Variants in ABCA4 observed in about 807,000 individuals in gnomAD.
The protein encoded by ABCA4 is ATP binding cassette subfamily A member 4, also known as retinal-specific phospholipid-transporting ATPase ABCA4.
A neutral mutation model predicts 263.7 loss-of-function variants in ABCA4; 196 were observed. The ratio of observed to expected loss-of-function variants is 0.74; its 90% CI spans 0.66 to 0.84. The LOEUF (loss-of-function observed/expected upper bound fraction) is 0.84, where lower values mean the gene tolerates loss of function less well. ABCA4 is among the 40% of genes least tolerant of loss of function. The pLI is 0.00. For missense variants in ABCA4, 2,792 were observed against 2,855.1 expected, an observed-to-expected ratio of 0.98 and a Z score of 0.50; for synonymous variants, 1,133 against 1,094.2, an observed-to-expected ratio of 1.04 and a Z score of -0.70.
chr1:94,081,257 A>G (rs1298466476), intron 7 of ABCA4, among the ~76,000 whole-genome samples: 2 of 152,084 alleles, frequency 1.3e-5, no homozygotes, highest in African/African-American at 4.8e-5. Flanking sequence ...CAAATCACAG[A>G]GTGACCCCTA....
intron 16 of ABCA4, among the ~76,000 whole-genome samples, chr1:94,053,677 G>C (rs1208878913): frequency 2.0e-5 from 3 of 152,264 alleles, no homozygotes; most frequent in African/African-American, 7.2e-5. Flanking sequence ...AGCACCTACA[G>C]GTTTCAGAGG....
chr1:94,095,806 A>G (rs891677726), intron 6 of ABCA4, among the ~76,000 whole-genome samples: 2 of 148,104 alleles, frequency 1.4e-5, no homozygotes, highest in African/African-American at 5.0e-5. Context: ...GTCAAATGGA[A>G]AAGTACATTT....
intron 29 of ABCA4, 62 bp downstream of exon 29, chr1:94,030,366 C>T: frequency 6.7e-7 from 1 of 1,488,282 alleles, no homozygotes; most frequent in Non-Finnish European, 9.4e-7. Flanking sequence ...CCATCTTGAA[C>T]CCACCGTTGG....
rs762388890 is a variant in ABCA4, at chr1:94,042,896, C to T, written c.3193G>A (p.Gly1065Ser). ...RNEEAQDLSG[G>S]MQRKLSVAIA... ...GCAACCGACAGCTTTCTCTGCATGCCACCTGGAGGCACAAGAAGGACGGGA... is the reference window on the plus strand; with the variant it reads ...GCAACCGACAGCTTTCTCTGCATGCTACCTGGAGGCACAAGAAGGACGGGA... Residue 1065 changes from glycine to serine, a missense_variant and splice_region_variant, in exon 22 of 50, where the codon GGC becomes AGC. Physicochemically the swap from Gly to Ser is moderately conservative, Grantham distance 56. Coordinates refer to ENST00000370225, the MANE Select transcript of ABCA4 (RefSeq NM_000350.3). 1.9e-6 allele frequency: 3 copies of T among 1,614,190 alleles called. No homozygotes were observed. The highest frequency in any genetic ancestry group is 2.5e-6 in the Non-Finnish European group (3 of 1,180,028).
chr1:94,028,034 T>C (rs1660086784), intron 30 of ABCA4, among the ~76,000 whole-genome samples: 1 of 152,184 alleles, frequency 6.6e-6, no homozygotes, highest in African/African-American at 2.4e-5. Context: ...TGAATCTAAT[T>C]CTAAATAATT....
intron 26 of ABCA4, among the ~76,000 whole-genome samples, chr1:94,035,490 T>C (rs887959225): frequency 2.0e-5 from 3 of 152,192 alleles, no homozygotes; most frequent in African/African-American, 4.8e-5. Context: ...TATGTGTCCA[T>C]TGGTAGTTCT....
intron 36 of ABCA4, 174 bp downstream of exon 36, chr1:94,019,408 G>A (rs1377484763): frequency 1.4e-6 from 1 of 721,658 alleles, no homozygotes; most frequent in Non-Finnish European, 2.2e-6. Context: ...CTAGTTCTGT[G>A]CCTTTCTGAG....
chr1:94,080,284 T>G (rs1484082658), intron 8 of ABCA4, among the ~76,000 whole-genome samples, 194 bp downstream of exon 8: 1 of 152,218 alleles, frequency 6.6e-6, no homozygotes, highest in African/African-American at 2.4e-5. Context: ...CTGTGGTTCA[T>G]GTCCAGAATT....
At position 94,056,757 on chromosome 1, in the gene ABCA4, A is replaced by G. The variant is rs779160847; in HGVS notation, c.2226T>C (p.Thr742=). 5 of 1,613,742 alleles carry G rather than the reference A, an allele frequency of 3.1e-6. No homozygotes were observed. The South Asian group carries it at 5.5e-5, about 18-fold the overall frequency. The change falls in exon 15 of 50, where the codon ACT becomes ACC. Residue 742 remains threonine (T), a synonymous_variant. Coordinates refer to ENST00000370225, the MANE Select transcript of ABCA4 (RefSeq NM_000350.3). ...ILFLFLLAFS[T]ATIMLCFLLS... ...GCAGAAAGCACAGCATGATGGTGGC[A>G]GTGGAGAAAGCCAACAAGAACAGGA...
chr1:94,072,200 A>G (rs1268377302), intron 11 of ABCA4, among the ~76,000 whole-genome samples: 5 of 152,244 alleles, frequency 3.3e-5, no homozygotes, highest in Non-Finnish European at 7.3e-5. Context: ...ATCACCATGT[A>G]GACAATAAGG....
At chr1:94,008,667 CA>C in intron 41 of ABCA4, 83 bp downstream of exon 41, 1 of 1,592,792 alleles carries the variant, frequency 6.3e-7, no homozygotes. Context: ...ATAAGCATAT[CA>C]ATTGTTCTAT....
intron 47 of ABCA4, among the ~76,000 whole-genome samples, chr1:94,000,370 G>T (rs74102052): frequency 1.1e-3 from 172 of 152,262 alleles, no homozygotes; most frequent in African/African-American, 3.8e-3. Context: ...TGCCATTGTT[G>T]GTTTGTCATA....
At chr1:94,035,270 T>A (rs1461279334) in intron 26 of ABCA4, among the ~76,000 whole-genome samples, 2 of 152,262 alleles carry the variant, frequency 1.3e-5, no homozygotes, top group African/African-American at 2.4e-5. Context: ...CATTCTGGTC[T>A]TGGTTAATAT....
intron 24 of ABCA4, 115 bp from the exon 25 acceptor site, chr1:94,037,465 A>G (rs1443442640): frequency 2.2e-5 from 21 of 950,202 alleles, no homozygotes; most frequent in Admixed American, 3.9e-5. Flanking sequence ...GGTATTTTGT[A>G]TCTCGGCAGT....
chr1:94,115,377 T>C (rs1354171517), intron 1 of ABCA4, among the ~76,000 whole-genome samples: 2 of 152,036 alleles, frequency 1.3e-5, no homozygotes, highest in Non-Finnish European at 2.9e-5. Context: ...GATTTGGGAG[T>C]TAGTGGGAAG....
intron 7 of ABCA4, among the ~76,000 whole-genome samples, chr1:94,082,281 A>C (rs1661720858): frequency 6.6e-6 from 1 of 152,250 alleles, no homozygotes; most frequent in Non-Finnish European, 1.5e-5. Flanking sequence ...ATACCAATTC[A>C]TATAAACTGG....
rs532127662 is a variant in ABCA4, at chr1:94,056,456, T to G, written c.2382+145A>C. The G allele has an allele frequency of 2.0e-5, 17 of 871,094 alleles. No homozygotes were observed. The South Asian group carries it at 2.1e-4, about 11-fold the overall frequency. 54.0% of individuals were successfully genotyped at this position (871,094 alleles called of 1,614,324 possible). A position where few individuals can be genotyped will look rare whatever the true frequency, so the allele number is the denominator to read the frequency against. On this transcript the variant is annotated intron_variant, in intron 15 of 49. Transcript: ENST00000370225. ...TGAGGACTGCTCCCACTTTTGCCCC[T>G]GTACATTTTAGCCTCACGTGAACTT...
At chr1:94,103,572 C>T (rs1054675397) in intron 4 of ABCA4, among the ~76,000 whole-genome samples, 3 of 152,126 alleles carry the variant, frequency 2.0e-5, no homozygotes, top group Non-Finnish European at 2.9e-5. Flanking sequence ...TCCTGCAAGG[C>T]CCAAGACACT....
chr1:94,093,744 A>G (rs879584363), intron 6 of ABCA4, among the ~76,000 whole-genome samples: 1 of 152,252 alleles, frequency 6.6e-6, no homozygotes, highest in Non-Finnish European at 1.5e-5. Context: ...CAATCCAGCC[A>G]GTAGGCTCAA....
Sources: allele counts gnomAD v4.1 joint callset (sites outside exome capture counted in the v4.1 genomes callset), GRCh38; gene constraint gnomAD v4.1.1; transcripts MANE v1.5; gene names NCBI Gene and HGNC (gene_info 2026-07-23, HGNC 2026-07-21).